Variants in NPM1 observed in about 807,000 individuals in gnomAD.
The protein encoded by NPM1 is nucleophosmin 1, also known as nucleophosmin.
Under a neutral mutation model 44.1 loss-of-function variants are expected in NPM1, and 1 was observed. The observed-to-expected ratio is 0.02, with a 90% confidence interval of 0.01 to 0.11. The LOEUF (loss-of-function observed/expected upper bound fraction) is 0.11. Among genes scored for constraint, NPM1 ranks in the 10% least tolerant of loss-of-function variants. The probability of loss-of-function intolerance (pLI) is 1.00; values close to 1 mark genes in which losing one functional copy is unlikely to be tolerated. For missense variants in NPM1, 197 were observed against 347.8 expected, an observed-to-expected ratio of 0.57 and a Z score of 3.45; for synonymous variants, 126 against 111.8, an observed-to-expected ratio of 1.13 and a Z score of -0.80.
At chr5:171,396,747 G>A (rs908350118) in intron 6 of NPM1, among the ~76,000 whole-genome samples, 30 of 152,100 alleles carry the variant, frequency 2.0e-4, no homozygotes, top group African/African-American at 7.2e-4. Flanking sequence ...TTGGGTGGTC[G>A]ATGCGGGCAG....
intron 8 of NPM1, among the ~76,000 whole-genome samples, chr5:171,403,187 G>A (rs1212704562): frequency 2.2e-5 from 2 of 91,044 alleles, no homozygotes; most frequent in Admixed American, 1.1e-4. Flanking sequence ...GATTACTTGA[G>A]ATTAGGGATT....
intron 9 of NPM1, chr5:171,407,407 C>T (rs559882938): frequency 9.6e-5 from 35 of 363,208 alleles, no homozygotes; most frequent in African/African-American, 3.9e-4. Context: ...GATAAGCAAC[C>T]GAGTTGCCAT....
chr5:171,392,365 C>T (rs1298576892), intron 4 of NPM1, among the ~76,000 whole-genome samples: 2 of 152,166 alleles, frequency 1.3e-5, no homozygotes, highest in Non-Finnish European at 2.9e-5. Flanking sequence ...GCTAGAACTA[C>T]AGGCACACTC....
chr5:171,405,579 G>A lies in NPM1; in HGVS notation c.771+176G>A, dbSNP rs543440194. The A allele has an allele frequency of 3.0e-5, 18 of 604,676 alleles. No homozygotes were observed. In the African/African-American group the frequency reaches 3.2e-4, roughly 11 times the overall value. 37.5% of individuals were successfully genotyped at this position (604,676 alleles called of 1,614,324 possible). ...TAAAACATTTATAATCGTGTCTGTGGTGATTTTTGCATATGCAAAATTAAA... is the reference window on the plus strand; with the variant it reads ...TAAAACATTTATAATCGTGTCTGTGATGATTTTTGCATATGCAAAATTAAA... On this transcript the variant is annotated intron_variant, in intron 9 of 10. Transcript: ENST00000296930.
intron 1 of NPM1, 101 bp downstream of exon 1, chr5:171,388,107 A>G: frequency 9.7e-7 from 1 of 1,032,994 alleles, no homozygotes; most frequent in Non-Finnish European, 1.5e-6. Context: ...TCTGGTGGAG[A>G]CCGCCAGACC....
At chr5:171,395,961 GA>G (rs147926548) in intron 6 of NPM1, among the ~76,000 whole-genome samples, 44 of 126,338 alleles carry the variant, frequency 3.5e-4, no homozygotes, top group African/African-American at 1.1e-3. Flanking sequence ...AAGTAAAGCT[GA>G]ATTTTTTTTT....
intron 3 of NPM1, 97 bp downstream of exon 3, chr5:171,391,521 GGTTCTTTATCTTCT>G: frequency 6.8e-7 from 1 of 1,479,946 alleles, no homozygotes; most frequent in Non-Finnish European, 9.2e-7. Flanking sequence ...GATAGAAAGT[GGTTCTTTATCTTCT>G]GTCACTGGAG....
upstream of NPM1, chr5:171,387,809 G>T (rs897386850): frequency 2.2e-5 from 17 of 763,572 alleles, no homozygotes; most frequent in Admixed American, 3.4e-4. Flanking sequence ...GCGCTCGCGA[G>T]ATCTTCAGGG....
chr5:171,389,488 C>A (rs28616072), intron 1 of NPM1, among the ~76,000 whole-genome samples: 1 of 152,162 alleles, frequency 6.6e-6, no homozygotes, highest in Non-Finnish European at 1.5e-5. Context: ...TGATAACTAT[C>A]GGAAAGAACC....
At chr5:171,387,608 C>T, upstream of NPM1, 1 of 299,698 alleles carries the variant, frequency 3.3e-6, no homozygotes. Context: ...AGCACGCGTG[C>T]GCACAGGCGA....
chr5:171,388,305 G>T (rs1485373795), intron 1 of NPM1, among the ~76,000 whole-genome samples: 1 of 152,188 alleles, frequency 6.6e-6, no homozygotes, highest in African/African-American at 2.4e-5. Context: ...GGCCTTTGCC[G>T]GGGATACGTG....
At chr5:171,404,182 G>C (rs1023366759) in intron 8 of NPM1, among the ~76,000 whole-genome samples, 1 of 98,134 alleles carries the variant, frequency 1.0e-5, no homozygotes, top group Admixed American at 9.5e-5. Context: ...CGGTCGGGGG[G>C]GCTGACCCCC....
intron 6 of NPM1, among the ~76,000 whole-genome samples, chr5:171,395,136 C>T (rs1317841742): frequency 3.3e-5 from 5 of 152,072 alleles, no homozygotes; most frequent in African/African-American, 9.7e-5. Context: ...GCCAAGAATG[C>T]GCCACCGTGT....
At chr5:171,387,617 G>A (rs1346474493), upstream of NPM1, 1 of 316,344 alleles carries the variant, frequency 3.2e-6, no homozygotes. Flanking sequence ...GCGCACAGGC[G>A]ACAGCAGCGG....
chr5:171,392,632 G>GTATT, intron 4 of NPM1, 78 bp from the exon 5 acceptor site: 1 of 773,952 alleles, frequency 1.3e-6, no homozygotes, highest in African/African-American at 1.8e-5. Context: ...AGTTTTTAGA[G>GTATT]TATTTACTAT....
chr5:171,391,898 C>T, intron 4 of NPM1, 99 bp downstream of exon 4: 1 of 580,086 alleles, frequency 1.7e-6, no homozygotes, highest in South Asian at 2.4e-5. Flanking sequence ...GTACTACTGT[C>T]TTTTTAATAG....
At chr5:171,407,408 G>A (rs950868307) in intron 9 of NPM1, 23 of 366,448 alleles carry the variant, frequency 6.3e-5, no homozygotes, top group African/African-American at 3.2e-4. Context: ...ATAAGCAACC[G>A]AGTTGCCATG....
chr5:171,403,060 A>G (rs1463007200), intron 8 of NPM1, among the ~76,000 whole-genome samples: 1 of 96,584 alleles, frequency 1.0e-5, no homozygotes, highest in Non-Finnish European at 2.0e-5. Flanking sequence ...ACAGAGGGGG[A>G]TTTGGCAGGG....
chr5:171,398,047 C>A (rs1269237330), intron 6 of NPM1, among the ~76,000 whole-genome samples: 2 of 151,562 alleles, frequency 1.3e-5, no homozygotes, highest in Non-Finnish European at 2.9e-5. Flanking sequence ...CGGCCTCCCA[C>A]AAGTGCTGGG....
Sources: gnomAD v4.1 joint callset for allele counts (sites outside exome capture counted in the v4.1 genomes callset) on GRCh38, gnomAD v4.1.1 for gene constraint, MANE v1.5 for transcripts, NCBI Gene and HGNC (gene_info 2026-07-23, HGNC 2026-07-21) for gene names.